Variants in CA12 observed in about 807,000 individuals in gnomAD.
CA12 encodes carbonate dehydratase XII.
CA12 carries 36 observed loss-of-function variants against 46.8 expected under a neutral mutation model. That is an observed-to-expected ratio of 0.77 (90% confidence interval 0.59 to 1.02). The LOEUF (loss-of-function observed/expected upper bound fraction) is 1.02. Among genes scored for constraint, CA12 ranks in the 50% least tolerant of loss-of-function variants. The probability of loss-of-function intolerance (pLI) is 0.00; values close to 1 mark genes in which losing one functional copy is unlikely to be tolerated. For synonymous variants in CA12, 202 were observed against 187.0 expected (o/e 1.08, Z -0.65); for missense variants, 436 against 451.4 (o/e 0.97, Z 0.31).
At chr15:63,351,238 C>G (rs911827579) in intron 2 of CA12, among the ~76,000 whole-genome samples, 5 of 152,240 alleles carry the variant, frequency 3.3e-5, no homozygotes, top group African/African-American at 9.6e-5. Context: ...ATCCTTTGCC[C>G]TTAGTGGGTC....
chr15:63,359,048 C>T (rs1478438352), intron 2 of CA12, among the ~76,000 whole-genome samples: 9 of 152,084 alleles, frequency 5.9e-5, no homozygotes, highest in Admixed American at 1.3e-4. Context: ...TCAGCTGTCA[C>T]GGTGGTTTTG....
intron 2 of CA12, among the ~76,000 whole-genome samples, chr15:63,371,717 A>G (rs2039509921): frequency 6.6e-6 from 1 of 152,228 alleles, no homozygotes; most frequent in Non-Finnish European, 1.5e-5. Context: ...CAGCAAGCCA[A>G]TATCTGATAT....
rs565222616 is a variant in CA12, at chr15:63,331,373, G to C, written c.875-3243C>G. ...ATCAAAGATGGTACAGGGAGGGGCA[G>C]AACTAGAGAAATTCACTTTCAGGTT... On this transcript the variant is annotated intron_variant, in intron 8 of 10. Coordinates refer to ENST00000178638, the MANE Select transcript of CA12 (RefSeq NM_001218.5). This position sits in a 1 kb window ranked among gnomAD's most constrained non-coding sequence, Gnocchi z 5.3. 2.6e-5 allele frequency among the ~76,000 whole-genome samples: 4 copies of C among 152,296 alleles called. No individual in the cohort carries two copies. Among genetic ancestry groups the C allele is most frequent in the African/African-American group, 9.6e-5 (4 of 41,560 alleles).
intron 2 of CA12, among the ~76,000 whole-genome samples, chr15:63,349,380 C>T (rs1011369929): frequency 2.6e-5 from 4 of 152,126 alleles, no homozygotes; most frequent in East Asian, 1.9e-4. Context: ...CACAGGGCAC[C>T]GGTGCTCCAG....
Position 63,340,965 on chromosome 15 carries a change from C to T in CA12, c.526-182G>A, listed in dbSNP as rs74369730. Among the ~76,000 whole-genome samples, 2 of 152,194 alleles carry T rather than the reference C, an allele frequency of 1.3e-5. No individual in the cohort carries two copies. Among genetic ancestry groups the T allele is most frequent in the African/African-American group, 4.8e-5 (2 of 41,454 alleles). On this transcript the variant is annotated intron_variant, in intron 5 of 10. Coordinates refer to ENST00000178638, the MANE Select transcript of CA12 (RefSeq NM_001218.5). The surrounding 1 kb of genome is among the most constrained non-coding windows in gnomAD (Gnocchi z 4.4). ...GGGAGTTAGTGTAATGGTCCTGCCT[C>T]TTGCATCTCAGGACGTCCTGTTTTC...
rs1261489630 is a variant in CA12 at position 63,331,576 on chromosome 15, G to A, written c.875-3446C>T. 6.6e-6 allele frequency: 1 copy of A among 152,202 alleles called. No homozygotes were observed. Among genetic ancestry groups the A allele is most frequent in the Non-Finnish European group, 1.5e-5 (1 of 68,054 alleles). 9.4% of individuals were successfully genotyped at this position (152,202 alleles called of 1,614,324 possible). Reference sequence around the variant, plus strand: ...GCTGGTAAGAGGGTGCACACCATGAGGACGTGGGAGAGCCGCCTGTTCACA... The same window carrying A: ...GCTGGTAAGAGGGTGCACACCATGAAGACGTGGGAGAGCCGCCTGTTCACA... On this transcript the variant is annotated intron_variant, in intron 8 of 10. Transcript: ENST00000178638. The surrounding 1 kb of genome is among the most constrained non-coding windows in gnomAD (Gnocchi z 5.3).
At chr15:63,359,604 G>A (rs1317444108) in intron 2 of CA12, among the ~76,000 whole-genome samples, 1 of 152,016 alleles carries the variant, frequency 6.6e-6, no homozygotes, top group Admixed American at 6.6e-5. Flanking sequence ...AAAATCGAGG[G>A]ACATTCTCTA....
At chr15:63,361,600 C>A (rs2152623282) in intron 2 of CA12, among the ~76,000 whole-genome samples, 1 of 152,318 alleles carries the variant, frequency 6.6e-6, no homozygotes, top group South Asian at 2.1e-4. Context: ...AAGGTCGAGA[C>A]TGGACTATTG....
rs1405354201 is a variant in CA12 at position 63,334,745 on chromosome 15, C to A, written c.874+4074G>T. Among the ~76,000 whole-genome samples the A allele has an allele frequency of 5.1e-4, 78 of 152,268 alleles. 1 individual carries two copies. The highest frequency in any genetic ancestry group is 2.9e-5 in the Non-Finnish European group (2 of 68,026). On this transcript the variant is annotated intron_variant, in intron 8 of 10. Coordinates refer to ENST00000178638, the MANE Select transcript of CA12 (RefSeq NM_001218.5). ...AGTTGCTACTTCAGAGGCATCTGCACCCCTGATAAAGGATTTGTACACTCC... is the reference window on the plus strand; with the variant it reads ...AGTTGCTACTTCAGAGGCATCTGCAACCCTGATAAAGGATTTGTACACTCC...
intron 2 of CA12, among the ~76,000 whole-genome samples, chr15:63,353,226 C>A (rs1190064421): frequency 6.6e-6 from 1 of 152,004 alleles, no homozygotes; most frequent in Non-Finnish European, 1.5e-5. Context: ...ATGGAGGGAT[C>A]CCTGTCAAGC....
intron 1 of CA12, among the ~76,000 whole-genome samples, chr15:63,376,605 TCTCTCTCGCTCTCTC>T (rs1567057082): frequency 6.6e-6 from 1 of 150,746 alleles, no homozygotes; most frequent in African/African-American, 2.4e-5. Flanking sequence ...TTTCTTTCTC[TCTCTCTCGCTCTCTC>T]TCTTTCTTCT....
Position 63,345,532 on chromosome 15 carries a change from G to C in CA12, c.374C>G (p.Pro125Arg), listed in dbSNP as rs745416558. 6.2e-7 allele frequency: 1 copy of C among 1,612,764 alleles called. No homozygotes were observed. Among genetic ancestry groups the C allele is most frequent in the Non-Finnish European group, 8.5e-7 (1 of 1,180,014 alleles). Reference protein sequence around the residue: ...ATQLHLHWGNPNDPHGSEHTV... With the variant: ...ATQLHLHWGNRNDPHGSEHTV... ...GTGCTCAGAGCCGTGCGGGTCATTCGGGTTCCCCCAGTGCAGGTGCAGCTG... is the reference window on the plus strand; with the variant it reads ...GTGCTCAGAGCCGTGCGGGTCATTCCGGTTCCCCCAGTGCAGGTGCAGCTG... Residue 125 changes from proline to arginine, a missense_variant, in exon 4 of 11, where the codon CCG becomes CGG. Coordinates refer to ENST00000178638, the MANE Select transcript of CA12 (RefSeq NM_001218.5). The surrounding 1 kb of genome is among the most constrained non-coding windows in gnomAD (Gnocchi z 4.3).
At chr15:63,356,176 T>C (rs779263332) in intron 2 of CA12, among the ~76,000 whole-genome samples, 35 of 152,146 alleles carry the variant, frequency 2.3e-4, no homozygotes, top group Non-Finnish European at 4.6e-4. Context: ...GCAGATCACC[T>C]GAGGCCAGGA....
intron 2 of CA12, among the ~76,000 whole-genome samples, chr15:63,351,533 C>G (rs2039231879): frequency 6.6e-6 from 1 of 152,172 alleles, no homozygotes; most frequent in Non-Finnish European, 1.5e-5. Context: ...TCAAAGGCCC[C>G]CACATCCCGC....
At chr15:63,379,105 G>C (rs1435181047) in intron 1 of CA12, 1 of 152,042 alleles carries the variant, frequency 6.6e-6, no homozygotes, top group Admixed American at 6.6e-5. Flanking sequence ...GTGAGGTCGC[G>C]GTGGTGACAT....
At position 63,329,898 on chromosome 15, in the gene CA12, T is replaced by C. The variant is rs910802481; in HGVS notation, c.875-1768A>G. On this transcript the variant is annotated intron_variant, in intron 8 of 10. Coordinates refer to ENST00000178638, the MANE Select transcript of CA12 (RefSeq NM_001218.5). This position sits in a 1 kb window ranked among gnomAD's most constrained non-coding sequence, Gnocchi z 4.8. ...AGCCATCAGCCGTGTGCTTTTCCGATTGTCTTTTTCTGCAATCTCACATTG... is the reference window on the plus strand; with the variant it reads ...AGCCATCAGCCGTGTGCTTTTCCGACTGTCTTTTTCTGCAATCTCACATTG... 1.3e-5 allele frequency among the ~76,000 whole-genome samples: 2 copies of C among 152,136 alleles called. No homozygotes were observed. The highest frequency in any genetic ancestry group is 4.8e-5 in the African/African-American group (2 of 41,434).
In CA12 at chr15:63,330,063, C is replaced by T. The variant is rs1189724152; in HGVS notation, c.875-1933G>A. Among the ~76,000 whole-genome samples the T allele has an allele frequency of 4.6e-5, 7 of 152,312 alleles. No individual in the cohort carries two copies. Among genetic ancestry groups the T allele is most frequent in the African/African-American group, 1.2e-4 (5 of 41,572 alleles). The stretch of plus-strand genomic sequence containing the variant: ...CCCCAAGGACAGGGAAGCCTATTCT[C>T]CCTACTCTGCTCACCACCACCAGCT... On this transcript the variant is annotated intron_variant, in intron 8 of 10. Coordinates refer to ENST00000178638, the MANE Select transcript of CA12 (RefSeq NM_001218.5). This position sits in a 1 kb window ranked among gnomAD's most constrained non-coding sequence, Gnocchi z 4.0.
chr15:63,346,644 T>TG lies in CA12; in HGVS notation c.171dup (p.Ile58HisfsTer6), dbSNP rs2039153822. On this transcript the variant is annotated frameshift_variant, in exon 3 of 11. Coordinates refer to ENST00000178638, the MANE Select transcript of CA12 (RefSeq NM_001218.5). LOFTEE classifies it high-confidence loss of function. ...TGGAGGATGTCACTGTGCAGGTCTA[T>TG]GGGGGACTGCAGCAGGCCCCCACAC... is the stretch of plus-strand genomic sequence containing the variant. 1 of 1,570,422 alleles carries TG rather than the reference T, an allele frequency of 6.4e-7. No individual in the cohort carries two copies. The highest frequency in any genetic ancestry group is 1.4e-5 in the African/African-American group (1 of 72,888).
intron 4 of CA12, among the ~76,000 whole-genome samples, chr15:63,342,850 T>G (rs2039099773): frequency 1.3e-5 from 2 of 152,238 alleles, no homozygotes; most frequent in South Asian, 2.1e-4. Flanking sequence ...TTCTTTTCTC[T>G]TTTCATTCAT....
Sources: allele counts gnomAD v4.1 joint callset (sites outside exome capture counted in the v4.1 genomes callset), GRCh38; gene constraint gnomAD v4.1.1; non-coding constraint Gnocchi (gnomAD v3.1); transcripts MANE v1.5; gene names NCBI Gene and HGNC (gene_info 2026-07-23, HGNC 2026-07-21).